TRPM3: variants seen among roughly 807,000 people sequenced by gnomAD.
TRPM3 encodes the protein transient receptor potential cation channel subfamily M member 3.
Under a neutral mutation model 181.2 loss-of-function variants are expected in TRPM3, and 77 were observed. The ratio of observed to expected loss-of-function variants is 0.42; its 90% CI spans 0.35 to 0.51. The LOEUF (loss-of-function observed/expected upper bound fraction) is 0.51. Ranked by LOEUF, TRPM3 falls within the 20% of genes least tolerant of loss-of-function variation. The pLI is 0.01. For synonymous variants in TRPM3, 745 were observed against 796.4 expected (o/e 0.94, Z 1.09); for missense variants, 1,759 against 2,196.7 (o/e 0.80, Z 3.98).
intron 1 of TRPM3, among the ~76,000 whole-genome samples, chr9:71,403,319 G>A (rs2093376713): frequency 6.6e-6 from 1 of 152,144 alleles, no homozygotes; most frequent in African/African-American, 2.4e-5. Flanking sequence ...TTACCTTCTG[G>A]CTCTTTGCAG....
intron 1 of TRPM3, among the ~76,000 whole-genome samples, chr9:71,195,042 T>C (rs1207015947): frequency 6.6e-6 from 1 of 151,846 alleles, no homozygotes; most frequent in African/African-American, 2.4e-5. Context: ...CATTAAAGAA[T>C]ATCGTTTTAA....
intron 8 of TRPM3, among the ~76,000 whole-genome samples, chr9:70,749,184 C>A (rs1158470242): frequency 6.6e-6 from 1 of 152,088 alleles, no homozygotes; most frequent in East Asian, 1.9e-4. Flanking sequence ...TGTGTCCAGA[C>A]AAAAGTTGGT....
At chr9:70,875,706 T>C (rs2095858315) in intron 1 of TRPM3, among the ~76,000 whole-genome samples, 1 of 151,912 alleles carries the variant, frequency 6.6e-6, no homozygotes, top group Non-Finnish European at 1.5e-5. Flanking sequence ...ATCATTCAGG[T>C]CAGAATATGC....
intron 1 of TRPM3, among the ~76,000 whole-genome samples, chr9:71,419,948 G>A (rs1349712121): frequency 5.9e-5 from 9 of 151,780 alleles, no homozygotes; most frequent in Admixed American, 5.9e-4. Context: ...CCTAAGATTT[G>A]TTCAATAAAA....
intron 8 of TRPM3, among the ~76,000 whole-genome samples, chr9:70,745,785 T>C (rs1369639479): frequency 2.0e-5 from 3 of 152,168 alleles, no homozygotes; most frequent in Non-Finnish European, 2.9e-5. Context: ...GGAAATTATA[T>C]ATGCTTCCTC....
intron 1 of TRPM3, among the ~76,000 whole-genome samples, chr9:71,166,857 A>G (rs781610172): frequency 1.4e-4 from 22 of 152,212 alleles, no homozygotes; most frequent in Non-Finnish European, 2.8e-4. Flanking sequence ...AAGTATAATA[A>G]TGGGATGCAT....
intron 1 of TRPM3, among the ~76,000 whole-genome samples, chr9:70,986,015 T>G (rs72731739): frequency 0.072 from 11,003 of 152,188 alleles, 436 homozygotes; most frequent in Middle Eastern, 0.099. Flanking sequence ...AAATATACTT[T>G]GTGGGTCTAA....
chr9:70,917,064 A>C (rs1426442494), intron 1 of TRPM3: 1 of 1,595,592 alleles, frequency 6.3e-7, no homozygotes, highest in Non-Finnish European at 8.6e-7. Context: ...GAAAAATAGC[A>C]CTGAGGAAAG....
At chr9:70,937,507 T>C (rs2096840052) in intron 1 of TRPM3, among the ~76,000 whole-genome samples, 1 of 152,220 alleles carries the variant, frequency 6.6e-6, no homozygotes, top group African/African-American at 2.4e-5. Context: ...GAAAAGAGTA[T>C]CCAAAATTAC....
chr9:70,646,179 A>T (rs2058812883), intron 9 of TRPM3, among the ~76,000 whole-genome samples: 1 of 152,238 alleles, frequency 6.6e-6, no homozygotes, highest in Admixed American at 6.5e-5. Context: ...TTCCTCAAGG[A>T]TCTAGAACCA....
chr9:71,407,695 G>A (rs142808390), intron 1 of TRPM3, among the ~76,000 whole-genome samples: 411 of 152,284 alleles, frequency 2.7e-3, no homozygotes, highest in African/African-American at 7.4e-3. Context: ...AGACTTAAAC[G>A]TCCCTGTCTG....
Position 70,793,765 on chromosome 9 carries a change from A to T in TRPM3, c.974-9486T>A. 2.4e-5 allele frequency: 10 copies of T among 420,666 alleles called. 1 individual carries two copies. Among genetic ancestry groups the T allele is most frequent in the South Asian group, 1.8e-4 (10 of 56,022 alleles). The allele number at this position is 420,666 out of a possible 1,614,324, so 26.1% of individuals were successfully genotyped here. A position where few individuals can be genotyped will look rare whatever the true frequency, so the allele number is the denominator to read the frequency against. ...TCAACTTGCAATTTTTCAACTTTGC[A>T]GTGATGCAAAAGTGATACATATTTA... On this transcript the variant is annotated intron_variant, in intron 6 of 25. Coordinates refer to ENST00000677713, the MANE Select transcript of TRPM3 (RefSeq NM_001366145.2).
chr9:71,254,448 C>T (rs965654649), intron 1 of TRPM3, among the ~76,000 whole-genome samples: 3 of 152,070 alleles, frequency 2.0e-5, no homozygotes, highest in Non-Finnish European at 4.4e-5. Flanking sequence ...TCGGCAACAA[C>T]GTATTACATA....
chr9:70,568,362 A>G (rs1007169039), intron 22 of TRPM3, among the ~76,000 whole-genome samples: 1 of 152,228 alleles, frequency 6.6e-6, no homozygotes, highest in African/African-American at 2.4e-5. Flanking sequence ...TTCTATGCCA[A>G]GCGCTTTCAT....
At chr9:71,000,428 G>GT (rs1296532791) in intron 1 of TRPM3, among the ~76,000 whole-genome samples, 2 of 152,180 alleles carry the variant, frequency 1.3e-5, no homozygotes, top group Admixed American at 1.3e-4. Context: ...CCAGGCCTCT[G>GT]TGGTATAAAA....
intron 1 of TRPM3, among the ~76,000 whole-genome samples, chr9:70,981,083 A>G (rs549070784): frequency 8.5e-5 from 13 of 152,300 alleles, no homozygotes; most frequent in Admixed American, 5.2e-4. Flanking sequence ...AATTACCATG[A>G]GCTTTGATTC....
At chr9:70,798,540 A>G (rs2087879069) in intron 6 of TRPM3, among the ~76,000 whole-genome samples, 1 of 152,150 alleles carries the variant, frequency 6.6e-6, no homozygotes, top group South Asian at 2.1e-4. Context: ...TGCTTTAAGG[A>G]GAGCTTCTTC....
chr9:70,891,238 T>C (rs2096197308), intron 1 of TRPM3, among the ~76,000 whole-genome samples: 1 of 151,896 alleles, frequency 6.6e-6, no homozygotes, highest in Non-Finnish European at 1.5e-5. Context: ...ATTTGCATAG[T>C]CATAGAAAAT....
intron 1 of TRPM3, among the ~76,000 whole-genome samples, chr9:70,887,142 C>T (rs1329536847): frequency 1.3e-5 from 2 of 152,120 alleles, no homozygotes; most frequent in Non-Finnish European, 2.9e-5. Context: ...ACACAGGTTA[C>T]CTGTGGCTAG....
Sources: gnomAD v4.1 joint callset for allele counts (sites outside exome capture counted in the v4.1 genomes callset) on GRCh38, gnomAD v4.1.1 for gene constraint, MANE v1.5 for transcripts, NCBI Gene and HGNC (gene_info 2026-07-23, HGNC 2026-07-21) for gene names.